The following CNTNAP5 variants were observed in gnomAD, a reference collection of about 807,000 sequenced individuals.
CNTNAP5 encodes contactin associated protein family member 5.
A neutral mutation model predicts 150.2 loss-of-function variants in CNTNAP5; 72 were observed. That is an observed-to-expected ratio of 0.48 (90% confidence interval 0.40 to 0.58). The LOEUF (loss-of-function observed/expected upper bound fraction) is 0.58, where lower values mean the gene tolerates loss of function less well. Among genes scored for constraint, CNTNAP5 ranks in the 20% least tolerant of loss-of-function variants. The pLI is 0.00. For synonymous variants in CNTNAP5, 672 were observed against 619.8 expected (o/e 1.08, Z -1.25); for missense variants, 1,636 against 1,626.2 (o/e 1.01, Z -0.10).
At chr2:124,721,889 A>C (rs1015807795) in intron 13 of CNTNAP5, among the ~76,000 whole-genome samples, 6 of 152,072 alleles carry the variant, frequency 3.9e-5, no homozygotes, top group African/African-American at 1.4e-4. Flanking sequence ...GTGCTGGCAG[A>C]AATGTTTTTT....
intron 1 of CNTNAP5, among the ~76,000 whole-genome samples, chr2:124,041,858 C>CATAT (rs10565274): frequency 6.6e-6 from 1 of 150,670 alleles, no homozygotes; most frequent in African/African-American, 2.4e-5. Flanking sequence ...TGTCAAATTA[C>CATAT]ATATATATAT....
At chr2:124,493,010 T>C (rs6745541) in intron 7 of CNTNAP5, among the ~76,000 whole-genome samples, 31,141 of 152,064 alleles carry the variant, frequency 0.2, 3,560 homozygotes, top group East Asian at 0.34. Flanking sequence ...CCCTGTTGAA[T>C]AGAGGCAGCA....
intron 16 of CNTNAP5, among the ~76,000 whole-genome samples, chr2:124,770,485 A>T (rs1286819723): frequency 6.6e-6 from 1 of 152,164 alleles, no homozygotes; most frequent in African/African-American, 2.4e-5. Context: ...CTTTTAGCAA[A>T]ATCTTTAACA....
chr2:124,739,885 CACTCTGA>C (rs532372755), intron 13 of CNTNAP5, among the ~76,000 whole-genome samples: 38,392 of 151,894 alleles, frequency 0.25, 5,509 homozygotes, highest in Non-Finnish European at 0.34. Flanking sequence ...GCACTGATCT[CACTCTGA>C]CTTCCATTAC....
At chr2:124,301,371 T>C (rs992725283) in intron 3 of CNTNAP5, among the ~76,000 whole-genome samples, 6 of 152,230 alleles carry the variant, frequency 3.9e-5, no homozygotes, top group Non-Finnish European at 7.3e-5. Flanking sequence ...CACTTAACTC[T>C]TGCCTGCATT....
intron 13 of CNTNAP5, among the ~76,000 whole-genome samples, chr2:124,689,220 T>G (rs990291567): frequency 6.6e-6 from 1 of 152,168 alleles, no homozygotes; most frequent in African/African-American, 2.4e-5. Flanking sequence ...ACCAGAGCAC[T>G]GCTCCTTGGA....
chr2:124,410,914 C>G (rs546358141), intron 3 of CNTNAP5, among the ~76,000 whole-genome samples: 3 of 151,900 alleles, frequency 2.0e-5, no homozygotes, highest in South Asian at 4.2e-4. Flanking sequence ...ACACAAAAAA[C>G]TCTTCAAAAA....
chr2:124,721,338 C>T (rs939802025), intron 13 of CNTNAP5, among the ~76,000 whole-genome samples: 6 of 151,882 alleles, frequency 4.0e-5, no homozygotes, highest in Non-Finnish European at 7.4e-5. Flanking sequence ...ACTAGCCAGG[C>T]GTGGTGGCAC....
At chr2:124,669,344 A>G (rs1473928668) in intron 13 of CNTNAP5, among the ~76,000 whole-genome samples, 1 of 152,236 alleles carries the variant, frequency 6.6e-6, no homozygotes, top group African/African-American at 2.4e-5. Flanking sequence ...GTGGCATTTG[A>G]CACAGTTGAC....
chr2:124,560,819 G>A (rs189632631), intron 10 of CNTNAP5, among the ~76,000 whole-genome samples: 143 of 152,182 alleles, frequency 9.4e-4, no homozygotes, highest in Non-Finnish European at 1.6e-3. Context: ...CTGCATGTCA[G>A]CATATTTTTT....
Position 124,914,932 on chromosome 2 carries a change from C to G in CNTNAP5, c.*644C>G, listed in dbSNP as rs1467231869. 6.6e-6 allele frequency: 1 copy of G among 151,942 alleles called. No homozygotes were observed. Among genetic ancestry groups the G allele is most frequent in the African/African-American group, 2.4e-5 (1 of 41,334 alleles). The allele number at this position is 151,942 out of a possible 1,614,324, so 9.4% of individuals were successfully genotyped here. ...TAGTAGTGACCAAAACTACTTTGTTCCTTTCTTACCACTCTCTCCTGGGGC... is the reference window on the plus strand; with the variant it reads ...TAGTAGTGACCAAAACTACTTTGTTGCTTTCTTACCACTCTCTCCTGGGGC... On this transcript the variant is annotated 3_prime_UTR_variant, in exon 24 of 24. Transcript: ENST00000682447.
intron 17 of CNTNAP5, 102 bp downstream of exon 17, chr2:124,773,119 T>A: frequency 1.2e-6 from 1 of 833,106 alleles, no homozygotes; most frequent in East Asian, 2.4e-5. Context: ...TGGGATATGA[T>A]CAAAATGTCA....
At chr2:124,614,424 T>C (rs2104989071) in intron 12 of CNTNAP5, among the ~76,000 whole-genome samples, 1 of 152,288 alleles carries the variant, frequency 6.6e-6, no homozygotes, top group East Asian at 1.9e-4. Context: ...AGCTATTCCA[T>C]AGGCAGAGCA....
chr2:124,113,506 A>ATG (rs138877401), intron 1 of CNTNAP5, among the ~76,000 whole-genome samples: 73,868 of 142,554 alleles, frequency 0.52, 18,800 homozygotes, highest in Middle Eastern at 0.6. Context: ...ATACATATAT[A>ATG]TGTGTGTGTG....
intron 1 of CNTNAP5, among the ~76,000 whole-genome samples, chr2:124,120,221 G>T (rs184978333): frequency 4.3e-4 from 65 of 152,334 alleles, no homozygotes; most frequent in Admixed American, 1.2e-3. Context: ...GAAGCACAAA[G>T]TAGATGCTCC....
intron 10 of CNTNAP5, among the ~76,000 whole-genome samples, chr2:124,542,013 G>T (rs1396423931): frequency 2.0e-5 from 3 of 151,932 alleles, no homozygotes; most frequent in African/African-American, 7.3e-5. Flanking sequence ...AAATAGCCAA[G>T]AATTATTCCT....
chr2:124,774,390 G>A (rs1681275828), intron 17 of CNTNAP5, among the ~76,000 whole-genome samples: 1 of 152,090 alleles, frequency 6.6e-6, no homozygotes, highest in African/African-American at 2.4e-5. Context: ...GTAATAGAGT[G>A]TGAGGATATC....
chr2:124,814,384 T>C (rs1403468070), intron 19 of CNTNAP5, among the ~76,000 whole-genome samples: 1 of 152,142 alleles, frequency 6.6e-6, no homozygotes, highest in Non-Finnish European at 1.5e-5. Context: ...CTGAGCTTTC[T>C]GTATCAGTCT....
intron 13 of CNTNAP5, among the ~76,000 whole-genome samples, chr2:124,664,249 A>T (rs1033952340): frequency 6.7e-6 from 1 of 149,972 alleles, no homozygotes; most frequent in African/African-American, 2.5e-5. Context: ...CTTGAGCCCA[A>T]GTGGTCAAGG....
Sources: allele counts gnomAD v4.1 joint callset (sites outside exome capture counted in the v4.1 genomes callset), GRCh38; gene constraint gnomAD v4.1.1; transcripts MANE v1.5; gene names NCBI Gene and HGNC (gene_info 2026-07-23, HGNC 2026-07-21).